OPCML: variants seen among roughly 807,000 people sequenced by gnomAD.
OPCML encodes the protein opioid binding protein/cell adhesion molecule like.
In OPCML, 13 loss-of-function variants were observed where a neutral mutation model predicts 37.8. That is an observed-to-expected ratio of 0.34 (90% CI 0.22 to 0.55). The LOEUF is 0.55. Ranked by LOEUF, OPCML falls within the 20% of genes least tolerant of loss-of-function variation. The pLI, the probability that OPCML is intolerant of heterozygous loss-of-function variation, is 0.91. For missense variants in OPCML, 341 were observed against 435.6 expected (o/e 0.78, Z 1.93); for synonymous variants, 176 against 168.8 (o/e 1.04, Z -0.33).
chr11:132,659,735 T>C (rs1941872247), intron 2 of OPCML, among the ~76,000 whole-genome samples: 1 of 152,162 alleles, frequency 6.6e-6, no homozygotes, highest in Non-Finnish European at 1.5e-5. Context: ...TGTGTGTATT[T>C]GTTCAGTAGA....
chr11:133,000,462 C>G (rs1314042076), intron 1 of OPCML, among the ~76,000 whole-genome samples: 1 of 152,170 alleles, frequency 6.6e-6, no homozygotes, highest in Non-Finnish European at 1.5e-5. Flanking sequence ...ACAGATGTAC[C>G]ATACAATACC....
intron 1 of OPCML, among the ~76,000 whole-genome samples, chr11:133,127,540 G>C (rs1205481715): frequency 6.6e-6 from 1 of 151,984 alleles, no homozygotes. Context: ...GGCTGAGGTG[G>C]GAGGATCACT....
intron 2 of OPCML, among the ~76,000 whole-genome samples, chr11:132,723,887 G>A (rs942927452): frequency 2.0e-5 from 3 of 152,204 alleles, no homozygotes; most frequent in Admixed American, 6.5e-5. Flanking sequence ...TAGAGAGAAG[G>A]GGGTGGAAAA....
intron 1 of OPCML, chr11:133,117,933 G>C (rs147255879): frequency 1.3e-4 from 132 of 985,194 alleles, no homozygotes; most frequent in Non-Finnish European, 1.5e-4. Flanking sequence ...TTTCCAGAAG[G>C]GAATGGGGGC....
intron 2 of OPCML, among the ~76,000 whole-genome samples, chr11:132,683,788 G>A (rs914142352): frequency 2.6e-5 from 4 of 152,122 alleles, no homozygotes; most frequent in Admixed American, 6.5e-5. Flanking sequence ...TACATACAAA[G>A]CAGGTCTCAG....
intron 4 of OPCML, among the ~76,000 whole-genome samples, chr11:132,498,600 T>G (rs1186147979): frequency 6.6e-6 from 1 of 152,198 alleles, no homozygotes. Flanking sequence ...CTACGACCCC[T>G]CCACAGAGGA....
chr11:133,233,739 T>C (rs1373870787), intron 1 of OPCML, among the ~76,000 whole-genome samples: 1 of 152,182 alleles, frequency 6.6e-6, no homozygotes, highest in Non-Finnish European at 1.5e-5. Context: ...CCCCTGCCCG[T>C]AAAAATGTCT....
In OPCML at chr11:132,862,994, CCTT is replaced by C. The variant is rs145092857; in HGVS notation, c.146+79929_146+79931del. ...AAATATTTGCTTTAAGGAAACTACT[CCTT>C]CTACCACTGTTAAGGTGACTCTCTG... is the stretch of plus-strand genomic sequence containing the variant. On this transcript the variant is annotated intron_variant, in intron 2 of 7. Coordinates refer to ENST00000524381, the MANE Select transcript of OPCML (RefSeq NM_001012393.5). Among the ~76,000 whole-genome samples, 54 of 152,320 alleles carry C rather than the reference CCTT, an allele frequency of 3.5e-4. No individual in the cohort carries two copies. The East Asian group carries it at 0.01, about 29-fold the overall frequency.
intron 1 of OPCML, among the ~76,000 whole-genome samples, chr11:133,188,503 C>T (rs1316115427): frequency 6.6e-6 from 1 of 152,112 alleles, no homozygotes; most frequent in African/African-American, 2.4e-5. Context: ...ATCTTCACTT[C>T]CTCTTCCATA....
intron 1 of OPCML, among the ~76,000 whole-genome samples, chr11:132,996,278 A>C (rs1194273769): frequency 6.6e-6 from 1 of 152,162 alleles, no homozygotes; most frequent in African/African-American, 2.4e-5. Flanking sequence ...TGGTTCTGAT[A>C]CAGGATTTGA....
chr11:132,621,958 G>C (rs892955720), intron 3 of OPCML, among the ~76,000 whole-genome samples: 2 of 152,076 alleles, frequency 1.3e-5, no homozygotes, highest in African/African-American at 4.8e-5. Flanking sequence ...GAAAAGAACT[G>C]GTTTCCAATT....
intron 1 of OPCML, among the ~76,000 whole-genome samples, chr11:133,502,660 ATGT>A (rs1348685496): frequency 1.3e-5 from 2 of 152,254 alleles, no homozygotes; most frequent in African/African-American, 4.8e-5. Flanking sequence ...GAATCTGAGA[ATGT>A]TGTAGCCAGA....
intron 1 of OPCML, among the ~76,000 whole-genome samples, chr11:133,402,587 T>C (rs1453297397): frequency 1.3e-5 from 2 of 152,150 alleles, no homozygotes; most frequent in African/African-American, 4.8e-5. Flanking sequence ...AGAAATATTT[T>C]CCCATTTATC....
intron 1 of OPCML, among the ~76,000 whole-genome samples, chr11:133,267,488 A>G (rs964748606): frequency 1.3e-5 from 2 of 152,144 alleles, no homozygotes. Flanking sequence ...AAAGTTCTTA[A>G]TTTGGTACCT....
chr11:132,720,908 T>G (rs1170476110), intron 2 of OPCML, among the ~76,000 whole-genome samples: 1 of 152,166 alleles, frequency 6.6e-6, no homozygotes, highest in East Asian at 1.9e-4. Flanking sequence ...ACATAGAGTT[T>G]TTTTTAACAT....
chr11:133,427,909 G>A (rs896121994), intron 1 of OPCML, among the ~76,000 whole-genome samples: 8 of 152,028 alleles, frequency 5.3e-5, no homozygotes, highest in South Asian at 4.1e-4. Context: ...CTACACACAC[G>A]ATTATACTCA....
At chr11:133,007,599 T>C (rs1947136691) in intron 1 of OPCML, 2 of 985,450 alleles carry the variant, frequency 2.0e-6, no homozygotes, top group South Asian at 9.4e-5. Context: ...GAATTGCTTG[T>C]AGAAGCTGGG....
At chr11:133,385,754 T>C (rs1280259342) in intron 1 of OPCML, among the ~76,000 whole-genome samples, 2 of 152,150 alleles carry the variant, frequency 1.3e-5, no homozygotes, top group Non-Finnish European at 2.9e-5. Flanking sequence ...AAATGCCAGA[T>C]TCTAACTTGG....
chr11:132,788,269 A>G (rs1937646756), intron 2 of OPCML, among the ~76,000 whole-genome samples: 1 of 152,156 alleles, frequency 6.6e-6, no homozygotes, highest in African/African-American at 2.4e-5. Flanking sequence ...TTCTCCAGGA[A>G]AGGGTATGTC....
Sources: gnomAD v4.1 joint callset for allele counts (sites outside exome capture counted in the v4.1 genomes callset) on GRCh38, gnomAD v4.1.1 for gene constraint, MANE v1.5 for transcripts, NCBI Gene and HGNC (gene_info 2026-07-23, HGNC 2026-07-21) for gene names.